The following CTDSPL variants were observed in gnomAD, a reference collection of about 807,000 sequenced individuals.
CTDSPL encodes CTD small phosphatase-like protein.
A neutral mutation model predicts 30.5 loss-of-function variants in CTDSPL; 8 were observed. That is an observed-to-expected ratio of 0.26 (90% CI 0.15 to 0.47). CTDSPL has a LOEUF of 0.47. Among genes scored for constraint, CTDSPL ranks in the 20% least tolerant of loss-of-function variants. CTDSPL has a pLI of 0.99. For synonymous variants in CTDSPL, 110 were observed against 137.9 expected (o/e 0.80, Z 1.42); for missense variants, 248 against 366.1 (o/e 0.68, Z 2.63).
rs1397485768 is a variant in CTDSPL, at chr3:37,975,948, G to A, written c.705+54G>A. On this transcript the variant is annotated intron_variant, in intron 7 of 7. Transcript: ENST00000273179. The surrounding 1 kb of genome is among the most constrained non-coding windows in gnomAD (Gnocchi z 4.9). ...GTGCTCCATCTGAGCCCTCTGTCTT[G>A]CCAGGCAGGTACCACTTTTGAGCAC... 3.6e-5 allele frequency: 56 copies of A among 1,569,358 alleles called. No individual in the cohort carries two copies. Among genetic ancestry groups the A allele is most frequent in the Non-Finnish European group, 4.9e-5 (56 of 1,150,522 alleles).
Position 37,862,410 on chromosome 3 carries a change from G to A in CTDSPL, c.79+132G>A. On this transcript the variant is annotated intron_variant, in intron 1 of 7. Transcript: ENST00000273179. The surrounding 1 kb of genome is among the most constrained non-coding windows in gnomAD (Gnocchi z 4.3). Reference sequence around the variant, plus strand: ...CCCGGAGGGTGCGTGGGTGTGGGGTGCGCCCGGAGGAGAGCGAGGCTGCCA... The same window carrying A: ...CCCGGAGGGTGCGTGGGTGTGGGGTACGCCCGGAGGAGAGCGAGGCTGCCA... The A allele has an allele frequency of 1.6e-6, 1 of 640,054 alleles. No individual in the cohort carries two copies. Among genetic ancestry groups the A allele is most frequent in the Non-Finnish European group, 2.2e-6 (1 of 451,382 alleles). 39.6% of individuals were successfully genotyped at this position (640,054 alleles called of 1,614,324 possible).
intron 3 of CTDSPL, among the ~76,000 whole-genome samples, chr3:37,960,480 CAAAA>C (rs1208033395): frequency 1.2e-3 from 6 of 4,912 alleles, no homozygotes; most frequent in Non-Finnish European, 1.9e-3. Context: ...AACTCTGTCT[CAAAA>C]AAAAAAAAAA....
chr3:37,901,550 A>G (rs1698450832), intron 1 of CTDSPL, among the ~76,000 whole-genome samples: 2 of 152,270 alleles, frequency 1.3e-5, no homozygotes, highest in Non-Finnish European at 1.5e-5. Context: ...AGACCTAATA[A>G]TAGTAATACT....
chr3:37,957,270 C>T (rs1221215057), intron 3 of CTDSPL, 127 bp downstream of exon 3: 1 of 607,558 alleles, frequency 1.6e-6, no homozygotes, highest in African/African-American at 1.9e-5. Flanking sequence ...GTATAAACAG[C>T]TCTGTTCTGT....
chr3:37,909,403 A>G (rs1316900395), intron 1 of CTDSPL, among the ~76,000 whole-genome samples: 1 of 152,244 alleles, frequency 6.6e-6, no homozygotes, highest in African/African-American at 2.4e-5. Flanking sequence ...CAGGTCTTTC[A>G]GGGTGGCCAA....
intron 2 of CTDSPL, among the ~76,000 whole-genome samples, chr3:37,950,843 C>T (rs1699098337): frequency 6.6e-6 from 1 of 152,004 alleles, no homozygotes; most frequent in South Asian, 2.1e-4. Context: ...TCAAGGAAAA[C>T]AATTATATTA....
intron 3 of CTDSPL, among the ~76,000 whole-genome samples, chr3:37,958,944 C>G (rs1315136474): frequency 6.6e-6 from 1 of 152,218 alleles, no homozygotes; most frequent in African/African-American, 2.4e-5. Flanking sequence ...TTGGGAGCCC[C>G]TGCAAAATCT....
intron 3 of CTDSPL, among the ~76,000 whole-genome samples, chr3:37,961,919 G>A (rs996994879): frequency 3.3e-5 from 5 of 152,108 alleles, no homozygotes; most frequent in African/African-American, 1.2e-4. Context: ...CTCTGCCAAG[G>A]ACAGGAAATT....
intron 1 of CTDSPL, among the ~76,000 whole-genome samples, chr3:37,883,308 G>A (rs1227896838): frequency 6.6e-6 from 1 of 152,180 alleles, no homozygotes; most frequent in East Asian, 1.9e-4. Flanking sequence ...GCTCCCCCGT[G>A]GTCTAAGCTG....
intron 1 of CTDSPL, among the ~76,000 whole-genome samples, chr3:37,878,140 C>G (rs975048890): frequency 1.3e-5 from 2 of 152,170 alleles, no homozygotes; most frequent in Non-Finnish European, 2.9e-5. Context: ...AGTAGCCATT[C>G]TCATGAGTGT....
chr3:37,957,739 G>A lies in CTDSPL; in HGVS notation c.267+596G>A, dbSNP rs188550688. ...GCTCCCTGAGGCCACCCCCACTTCT[G>A]TTGTCATCCCTGAAATTTGTTCCAC... On this transcript the variant is annotated intron_variant, in intron 3 of 7. Transcript: ENST00000273179. Among the ~76,000 whole-genome samples the A allele has an allele frequency of 3.5e-3, 530 of 152,274 alleles. 1 individual carries two copies. Among genetic ancestry groups the A allele is most frequent in the Non-Finnish European group, 5.6e-3 (381 of 68,028 alleles).
chr3:37,947,039 C>G lies in CTDSPL; in HGVS notation c.80-18C>G. The G allele has an allele frequency of 1.2e-6, 2 of 1,610,160 alleles. No homozygotes were observed. The highest frequency in any genetic ancestry group is 1.7e-5 in the Admixed American group (1 of 59,848). ...ACATGCTGCAGTTGGCCATAGTGTG[C>G]TCTGTTTCTGTTTCCAGCCTCCCAG... On this transcript the variant is annotated intron_variant, in intron 1 of 7. Coordinates refer to ENST00000273179, the MANE Select transcript of CTDSPL (RefSeq NM_001008392.2).
intron 1 of CTDSPL, among the ~76,000 whole-genome samples, chr3:37,911,468 G>T (rs1476963023): frequency 1.3e-5 from 2 of 152,200 alleles, no homozygotes; most frequent in African/African-American, 4.8e-5. Context: ...GGAGCTCAGA[G>T]CCTTGAGGGA....
At chr3:37,910,922 C>T (rs1698575908) in intron 1 of CTDSPL, among the ~76,000 whole-genome samples, 3 of 152,170 alleles carry the variant, frequency 2.0e-5, no homozygotes, top group Admixed American at 1.3e-4. Context: ...TTCCCAAGCT[C>T]TAGTGGTTCC....
rs1158014062 is a variant in CTDSPL, at chr3:37,983,712, C to T, written c.*2845C>T. 6.4e-6 allele frequency: 1 copy of T among 155,254 alleles called. No individual in the cohort carries two copies. Among genetic ancestry groups the T allele is most frequent in the Non-Finnish European group, 1.4e-5 (1 of 69,710 alleles). The allele number at this position is 155,254 out of a possible 1,614,324, so 9.6% of individuals were successfully genotyped here. ...TGGCCAGGCCTCCAGTGGAAGTGCA[C>T]AGGCACTCCCAATGTTGTTAATGCT... On this transcript the variant is annotated 3_prime_UTR_variant, in exon 8 of 8. Transcript: ENST00000273179.
At chr3:37,909,883 A>T (rs1212881104) in intron 1 of CTDSPL, among the ~76,000 whole-genome samples, 1 of 152,228 alleles carries the variant, frequency 6.6e-6, no homozygotes, top group Non-Finnish European at 1.5e-5. Context: ...ATTAAACATT[A>T]AACATTTATT....
intron 1 of CTDSPL, among the ~76,000 whole-genome samples, chr3:37,885,428 G>C (rs1698251937): frequency 6.6e-6 from 1 of 152,184 alleles, no homozygotes; most frequent in Non-Finnish European, 1.5e-5. Context: ...AATTCTTTTG[G>C]AGAAGAAGAT....
intron 3 of CTDSPL, among the ~76,000 whole-genome samples, chr3:37,963,380 C>T (rs1407148917): frequency 1.3e-5 from 2 of 152,158 alleles, no homozygotes; most frequent in Non-Finnish European, 2.9e-5. Context: ...CTTTTGATCA[C>T]TGACTTTCAG....
At chr3:37,907,449 G>A (rs960393034) in intron 1 of CTDSPL, among the ~76,000 whole-genome samples, 5 of 152,200 alleles carry the variant, frequency 3.3e-5, no homozygotes, top group African/African-American at 1.2e-4. Context: ...AAAAAATTAA[G>A]AGACTTAAAG....
Sources: gnomAD v4.1 joint callset for allele counts (sites outside exome capture counted in the v4.1 genomes callset) on GRCh38, gnomAD v4.1.1 for gene constraint, Gnocchi (gnomAD v3.1) non-coding constraint, MANE v1.5 for transcripts, NCBI Gene and HGNC (gene_info 2026-07-23, HGNC 2026-07-21) for gene names.